CEP63: variants seen among roughly 807,000 people sequenced by gnomAD.
CEP63 encodes the protein centrosomal protein 63, also known as centrosomal protein of 63 kDa.
In CEP63, 84 loss-of-function variants were observed where a neutral mutation model predicts 89.1. The ratio of observed to expected loss-of-function variants is 0.94; its 90% CI spans 0.79 to 1.13. The LOEUF is 1.13. Ranked by LOEUF, CEP63 falls within the 50% of genes most tolerant of loss-of-function variation. CEP63 has a pLI of 0.00. For missense variants in CEP63, 838 were observed against 813.3 expected (o/e 1.03, Z -0.37); for synonymous variants, 267 against 272.5 (o/e 0.98, Z 0.20).
chr3:134,707,840 A>G, the CEP63 span, among the ~76,000 whole-genome samples: 5 of 142,976 alleles, frequency 3.5e-5, no homozygotes, highest in South Asian at 1.1e-3. Context: ...TTGAAGCCCT[A>G]TTGAAGGCCC....
chr3:134,532,372 A>G (rs1190083944), intron 4 of CEP63, among the ~76,000 whole-genome samples: 1 of 152,216 alleles, frequency 6.6e-6, no homozygotes, highest in Non-Finnish European at 1.5e-5. Context: ...TTTGGAAAAA[A>G]CTGCTTTTAT....
chr3:134,686,336 C>A, the CEP63 span, among the ~76,000 whole-genome samples: 4 of 152,176 alleles, frequency 2.6e-5, no homozygotes, highest in Non-Finnish European at 5.9e-5. Context: ...ATTTCCCAGG[C>A]CTTCAGAAGG....
At chr3:134,710,076 G>T in the CEP63 span, among the ~76,000 whole-genome samples, 1 of 152,214 alleles carries the variant, frequency 6.6e-6, no homozygotes, top group Non-Finnish European at 1.5e-5. Flanking sequence ...CCAGATGGAG[G>T]GGTGGGGACC....
chr3:134,506,778 C>A (rs567561209), intron 2 of CEP63, among the ~76,000 whole-genome samples: 2 of 152,002 alleles, frequency 1.3e-5, no homozygotes, highest in South Asian at 4.2e-4. Context: ...ATTAGCCGGG[C>A]ATGGTGGCGC....
the CEP63 span, among the ~76,000 whole-genome samples, chr3:134,700,654 A>T: frequency 6.6e-6 from 1 of 152,166 alleles, no homozygotes. Context: ...ATTTCCCAGT[A>T]ACATCTTTCC....
intron 1 of CEP63, among the ~76,000 whole-genome samples, chr3:134,492,411 G>T (rs995177080): frequency 4.6e-5 from 7 of 152,134 alleles, no homozygotes; most frequent in African/African-American, 1.7e-4. Flanking sequence ...GAGCAACTCA[G>T]ATGACAAACA....
At chr3:134,590,952 A>G (rs1335822689), downstream of CEP63, among the ~76,000 whole-genome samples, 2 of 152,128 alleles carry the variant, frequency 1.3e-5, no homozygotes, top group Non-Finnish European at 2.9e-5. Flanking sequence ...ACATCCCATT[A>G]CTATCCTCTT....
chr3:134,763,514 A>G, the CEP63 span, among the ~76,000 whole-genome samples: 955 of 152,282 alleles, frequency 6.3e-3, 10 homozygotes, highest in African/African-American at 0.021. Flanking sequence ...CTATAGGGAT[A>G]AATACTTTCT....
At chr3:134,646,717 CT>C in the CEP63 span, among the ~76,000 whole-genome samples, 1 of 152,288 alleles carries the variant, frequency 6.6e-6, no homozygotes, top group South Asian at 2.1e-4. Context: ...AGCCAGTCAT[CT>C]GATCCTAGGG....
At chr3:134,546,731 C>G (rs1953431797) in intron 8 of CEP63, among the ~76,000 whole-genome samples, 1 of 152,146 alleles carries the variant, frequency 6.6e-6, no homozygotes, top group Non-Finnish European at 1.5e-5. Context: ...TTGGCTTTAA[C>G]TTCTGAGTTA....
the CEP63 span, among the ~76,000 whole-genome samples, chr3:134,613,392 C>A: frequency 1.3e-5 from 2 of 152,154 alleles, no homozygotes; most frequent in Non-Finnish European, 2.9e-5. Flanking sequence ...GCAGCGAGAG[C>A]CTGCCCCAGC....
the CEP63 span, among the ~76,000 whole-genome samples, chr3:134,633,924 T>C: frequency 3.1e-3 from 467 of 152,324 alleles, 2 homozygotes; most frequent in African/African-American, 0.01. Context: ...TATACAAGGT[T>C]AACATACAAA....
chr3:134,523,856 T>G (rs767743736), intron 3 of CEP63, among the ~76,000 whole-genome samples: 5 of 152,204 alleles, frequency 3.3e-5, no homozygotes, highest in African/African-American at 4.8e-5. Context: ...TCCTTGGGAT[T>G]GCCTTAGCTA....
At chr3:134,690,344 G>A in the CEP63 span, among the ~76,000 whole-genome samples, 1 of 152,162 alleles carries the variant, frequency 6.6e-6, no homozygotes, top group Non-Finnish European at 1.5e-5. Context: ...AAGTTGTTAT[G>A]GAAGTTTCTA....
the CEP63 span, among the ~76,000 whole-genome samples, chr3:134,759,226 G>C: frequency 6.6e-6 from 1 of 152,202 alleles, no homozygotes. Flanking sequence ...ATTTGTTCCT[G>C]TGGCAACAGG....
chr3:134,526,422 T>G (rs1042747524), intron 3 of CEP63, among the ~76,000 whole-genome samples: 9 of 152,156 alleles, frequency 5.9e-5, no homozygotes, highest in African/African-American at 2.2e-4. Flanking sequence ...ATTATGAAAT[T>G]CTTGTAGTGT....
the CEP63 span, among the ~76,000 whole-genome samples, chr3:134,736,135 C>T: frequency 6.6e-6 from 1 of 152,076 alleles, no homozygotes; most frequent in African/African-American, 2.4e-5. Flanking sequence ...ATTCACTACA[C>T]TCACAGGTTA....
chr3:134,744,989 A>G, the CEP63 span, among the ~76,000 whole-genome samples: 1 of 152,346 alleles, frequency 6.6e-6, no homozygotes, highest in South Asian at 2.1e-4. Flanking sequence ...ATGTTTTGAC[A>G]TATGTATACA....
chr3:134,553,527 C>T (rs1354091483), intron 12 of CEP63: 1 of 151,906 alleles, frequency 6.6e-6, no homozygotes, highest in African/African-American at 2.4e-5. Flanking sequence ...AGATACCTCA[C>T]AGAATTAATA....
Sources: allele counts gnomAD v4.1 joint callset (sites outside exome capture counted in the v4.1 genomes callset), GRCh38; gene constraint gnomAD v4.1.1; transcripts MANE v1.5; gene names NCBI Gene and HGNC (gene_info 2026-07-23, HGNC 2026-07-21).